Variants in CAMTA1 observed in about 807,000 individuals in gnomAD.
CAMTA1 encodes the protein calmodulin-binding transcription activator 1.
CAMTA1 carries 27 observed loss-of-function variants against 170.9 expected under a neutral mutation model. That is an observed-to-expected ratio of 0.16 (90% CI 0.12 to 0.22). The LOEUF (loss-of-function observed/expected upper bound fraction) is 0.22, where lower values mean the gene tolerates loss of function less well. CAMTA1 is among the 10% of genes least tolerant of loss of function. CAMTA1 has a pLI of 1.00. For missense variants in CAMTA1, 1,619 were observed against 2,217.2 expected, an observed-to-expected ratio of 0.73 and a Z score of 5.42; for synonymous variants, 833 against 891.5, an observed-to-expected ratio of 0.93 and a Z score of 1.17.
At chr1:7,321,389 C>G (rs1484654639) in intron 5 of CAMTA1, among the ~76,000 whole-genome samples, 2 of 152,178 alleles carry the variant, frequency 1.3e-5, no homozygotes, top group African/African-American at 4.8e-5. Flanking sequence ...CTGTCAGCCT[C>G]TCCTTCTGTC....
At chr1:6,867,907 T>A (rs1361543374) in intron 3 of CAMTA1, among the ~76,000 whole-genome samples, 1 of 151,980 alleles carries the variant, frequency 6.6e-6, no homozygotes, top group Non-Finnish European at 1.5e-5. Context: ...CCTCCTGGGC[T>A]TGTGTTCCTT....
chr1:7,747,587 A>G (rs569871390), intron 18 of CAMTA1, 123 bp from the exon 19 acceptor site: 39 of 562,680 alleles, frequency 6.9e-5, no homozygotes, highest in African/African-American at 4.6e-4. Flanking sequence ...TTAATTATCA[A>G]TATTTTTTGG....
At chr1:7,666,804 G>A (rs1421228555) in intron 9 of CAMTA1, among the ~76,000 whole-genome samples, 9 of 152,340 alleles carry the variant, frequency 5.9e-5, no homozygotes, top group East Asian at 1.9e-4. Flanking sequence ...GGAAGAGCCC[G>A]GAAGGATCAG....
chr1:6,914,528 A>T (rs897632992), intron 3 of CAMTA1, among the ~76,000 whole-genome samples: 10 of 152,218 alleles, frequency 6.6e-5, no homozygotes, highest in Non-Finnish European at 1.5e-4. Flanking sequence ...ACATGCACAC[A>T]CGGCTATCGG....
chr1:7,344,188 C>T (rs563638376), intron 5 of CAMTA1, among the ~76,000 whole-genome samples: 18 of 152,214 alleles, frequency 1.2e-4, no homozygotes, highest in African/African-American at 3.9e-4. Flanking sequence ...CCCTTGGAGC[C>T]GGCCTGAAGG....
chr1:7,428,467 G>A (rs1207344428), intron 5 of CAMTA1, among the ~76,000 whole-genome samples: 2 of 152,090 alleles, frequency 1.3e-5, no homozygotes, highest in African/African-American at 2.4e-5. Context: ...TGGCTCTCAT[G>A]ACCCTGCCCT....
chr1:7,564,247 C>T (rs1446110020), intron 6 of CAMTA1, among the ~76,000 whole-genome samples: 7 of 152,208 alleles, frequency 4.6e-5, no homozygotes, highest in Non-Finnish European at 8.8e-5. Context: ...GCCAGGCTGG[C>T]TTCTAAGGCA....
intron 4 of CAMTA1, among the ~76,000 whole-genome samples, chr1:7,112,309 C>G (rs1038531372): frequency 6.6e-6 from 1 of 152,194 alleles, no homozygotes; most frequent in Non-Finnish European, 1.5e-5. Context: ...CTTTGTATCC[C>G]TCACAATTCC....
At chr1:7,493,116 A>G (rs2478274) in intron 6 of CAMTA1, among the ~76,000 whole-genome samples, 83,138 of 128,066 alleles carry the variant, frequency 0.65, 28,558 homozygotes, top group African/African-American at 0.83. Context: ...ACATACACAC[A>G]CGCGCACACA....
intron 6 of CAMTA1, among the ~76,000 whole-genome samples, chr1:7,618,231 G>A (rs1417337828): frequency 6.6e-6 from 1 of 152,170 alleles, no homozygotes; most frequent in Non-Finnish European, 1.5e-5. Context: ...TCTAGTGCCT[G>A]TAACTCAAGA....
chr1:7,368,357 C>T (rs948686151), intron 5 of CAMTA1, among the ~76,000 whole-genome samples: 2 of 150,294 alleles, frequency 1.3e-5, no homozygotes, highest in Non-Finnish European at 3.0e-5. Flanking sequence ...TGGGTGCAGA[C>T]ACTGGGCATG....
chr1:6,912,007 C>A (rs971661195), intron 3 of CAMTA1, among the ~76,000 whole-genome samples: 2 of 152,248 alleles, frequency 1.3e-5, no homozygotes, highest in Non-Finnish European at 2.9e-5. Context: ...CCCTCCCCTT[C>A]CCTCTCCCTT....
chr1:7,006,456 GA>G (rs1301985960), intron 3 of CAMTA1, among the ~76,000 whole-genome samples: 2 of 152,144 alleles, frequency 1.3e-5, no homozygotes, highest in Admixed American at 6.5e-5. Context: ...TATTTGATGG[GA>G]AAAAAACCCA....
intron 5 of CAMTA1, among the ~76,000 whole-genome samples, chr1:7,436,239 G>A (rs1267349122): frequency 1.3e-5 from 2 of 152,236 alleles, no homozygotes; most frequent in Admixed American, 1.3e-4. Context: ...GAGTGTGTTT[G>A]AAGCTGGGAG....
Position 7,326,499 on chromosome 1 carries a change from A to G in CAMTA1, c.438+76873A>G, listed in dbSNP as rs530438949. Among the ~76,000 whole-genome samples, 3 of 152,360 alleles carry G rather than the reference A, an allele frequency of 2.0e-5. No individual in the cohort carries two copies. In the East Asian group the frequency reaches 5.8e-4, roughly 29 times the overall value. On this transcript the variant is annotated intron_variant, in intron 5 of 22. Transcript: ENST00000303635. ...AATCAAGTTAAAGTGAGGTCAGACT[A>G]AAGTGAGCTGTAAATCCAGTATGAC...
At chr1:7,725,031 G>A (rs1196424365) in intron 11 of CAMTA1, among the ~76,000 whole-genome samples, 2 of 152,166 alleles carry the variant, frequency 1.3e-5, no homozygotes, top group East Asian at 3.9e-4. Flanking sequence ...TGCCCAGGCT[G>A]AAACTGCTGC....
chr1:7,369,877 C>G (rs2086305236), intron 5 of CAMTA1, among the ~76,000 whole-genome samples: 1 of 152,206 alleles, frequency 6.6e-6, no homozygotes, highest in Non-Finnish European at 1.5e-5. Flanking sequence ...GCCCAGACCT[C>G]TCTGTGGGTA....
chr1:7,381,489 A>AT (rs1557623082), intron 5 of CAMTA1, among the ~76,000 whole-genome samples: 1 of 151,342 alleles, frequency 6.6e-6, no homozygotes. Context: ...TGAACTCATC[A>AT]TTTTTTATGG....
chr1:7,663,235 C>A, intron 8 of CAMTA1, 118 bp from the exon 9 acceptor site: 2 of 1,382,538 alleles, frequency 1.4e-6, no homozygotes, highest in South Asian at 1.7e-5. Flanking sequence ...CCAGGGACCC[C>A]AGCCGCTGTG....
Sources: gnomAD v4.1 joint callset for allele counts (sites outside exome capture counted in the v4.1 genomes callset) on GRCh38, gnomAD v4.1.1 for gene constraint, MANE v1.5 for transcripts, NCBI Gene and HGNC (gene_info 2026-07-23, HGNC 2026-07-21) for gene names.